The following SATB1 variants were observed in gnomAD, a reference collection of about 807,000 sequenced individuals.
The protein encoded by SATB1 is DNA-binding protein SATB1.
Under a neutral mutation model 86.9 loss-of-function variants are expected in SATB1, and 11 were observed. That is an observed-to-expected ratio of 0.13 (90% confidence interval 0.08 to 0.21). The LOEUF is 0.21. Among genes scored for constraint, SATB1 ranks in the 10% least tolerant of loss-of-function variants. The pLI, the probability that SATB1 is intolerant of heterozygous loss-of-function variation, is 1.00. For missense variants in SATB1, 551 were observed against 937.6 expected (o/e 0.59, Z 5.39); for synonymous variants, 357 against 357.2 (o/e 1.00, Z 0.01).
In SATB1 at chr3:18,349,123, G is replaced by A. The variant is rs1694210532; in HGVS notation, c.*47C>T. On this transcript the variant is annotated 3_prime_UTR_variant, in exon 11 of 11. Transcript: ENST00000338745. This position sits in a 1 kb window ranked among gnomAD's most constrained non-coding sequence, Gnocchi z 5.5. ...GAAGACAAGGTGGACTTTTCATTTT[G>A]TTAGTAAATACCAGTGGCACTGTTG... 2 of 1,569,652 alleles carry A rather than the reference G, an allele frequency of 1.3e-6. No homozygotes were observed. Among genetic ancestry groups the A allele is most frequent in the Admixed American group, 1.8e-5 (1 of 54,546 alleles).
At chr3:18,443,275 C>G (rs1699288044), upstream of SATB1, among the ~76,000 whole-genome samples, 4 of 152,324 alleles carry the variant, frequency 2.6e-5, no homozygotes, top group African/African-American at 7.2e-5. The surrounding 1 kb of genome is among the most constrained non-coding windows in gnomAD (Gnocchi z 4.4). Context: ...AAAGTCAGGT[C>G]CCCTGGCCTC....
At chr3:18,350,597 C>T (rs1694305563) in intron 10 of SATB1, 1 of 152,222 alleles carries the variant, frequency 6.6e-6, no homozygotes, top group African/African-American at 2.4e-5. Flanking sequence ...CTTTTATACC[C>T]CTAAGAAGCA....
chr3:18,402,416 A>C (rs192210119), intron 5 of SATB1, among the ~76,000 whole-genome samples: 74 of 152,240 alleles, frequency 4.9e-4, no homozygotes, highest in Non-Finnish European at 7.2e-4. Flanking sequence ...CTTTTCTGCC[A>C]AATCAACCAA....
At chr3:18,354,117 A>G (rs994951108) in intron 9 of SATB1, among the ~76,000 whole-genome samples, 4 of 152,222 alleles carry the variant, frequency 2.6e-5, no homozygotes, top group Non-Finnish European at 4.4e-5. Context: ...TATATTAACT[A>G]TAAAACTGTT....
chr3:18,391,971 AAT>A (rs1696698849), intron 7 of SATB1, among the ~76,000 whole-genome samples: 1 of 152,168 alleles, frequency 6.6e-6, no homozygotes, highest in African/African-American at 2.4e-5. Flanking sequence ...TTAATATTGA[AAT>A]ATATATACAA....
At chr3:18,438,152 C>T (rs1699128018) in intron 1 of SATB1, among the ~76,000 whole-genome samples, 1 of 152,086 alleles carries the variant, frequency 6.6e-6, no homozygotes, top group Admixed American at 6.5e-5. Flanking sequence ...AAGTCCTTAA[C>T]ATTATAAACA....
In SATB1 at chr3:18,347,970, T is replaced by G. The variant is rs532952199; in HGVS notation, c.*1200A>C. 24 of 152,510 alleles carry G rather than the reference T, an allele frequency of 1.6e-4. No individual in the cohort carries two copies. Among genetic ancestry groups the G allele is most frequent in the Non-Finnish European group, 2.5e-4 (17 of 67,966 alleles). 9.4% of individuals were successfully genotyped at this position (152,510 alleles called of 1,614,324 possible). On this transcript the variant is annotated 3_prime_UTR_variant, in exon 11 of 11. Coordinates refer to ENST00000338745, the MANE Select transcript of SATB1 (RefSeq NM_002971.6). ...GATACAAACAATTTTAATTGTGTAG[T>G]TACAGTCAATAACCACTCCTAGTCA...
intron 5 of SATB1, among the ~76,000 whole-genome samples, chr3:18,400,398 C>G (rs1292371975): frequency 6.6e-6 from 1 of 152,206 alleles, no homozygotes; most frequent in Non-Finnish European, 1.5e-5. Context: ...GTGTCACACA[C>G]TGGTAGTATG....
chr3:18,345,481 A>G lies in SATB1; in HGVS notation c.*3689T>C, dbSNP rs556446477. ...CTACCACAATTTCTTTAATTAGGGT[A>G]CTTTATATTTTATCAAAAATGTGCA... On this transcript the variant is annotated 3_prime_UTR_variant, in exon 11 of 11. Transcript: ENST00000338745. The G allele has an allele frequency of 6.6e-6, 1 of 152,244 alleles. No individual in the cohort carries two copies. The highest frequency in any genetic ancestry group is 6.5e-5 in the Admixed American group (1 of 15,284). 9.4% of individuals were successfully genotyped at this position (152,244 alleles called of 1,614,324 possible).
Position 18,444,672 on chromosome 3 carries a change from C to T in SATB1, c.-25+846G>A, listed in dbSNP as rs1032021710. The stretch of plus-strand genomic sequence containing the variant: ...GGGCCTGAAACCAAGAACGGCTCCC[C>T]GGGCGGGCGCGCCGGCGTCGGACTT... On this transcript the variant is annotated intron_variant, in intron 1 of 3. Coordinates refer to the SATB1 transcript ENST00000415069. This position sits in a 1 kb window ranked among gnomAD's most constrained non-coding sequence, Gnocchi z 5.1. 1 of 984,534 alleles carries T rather than the reference C, an allele frequency of 1.0e-6. No homozygotes were observed. 61.0% of individuals were successfully genotyped at this position (984,534 alleles called of 1,614,324 possible).
chr3:18,357,541 ATT>A (rs10539857), intron 9 of SATB1, among the ~76,000 whole-genome samples: 23,547 of 135,532 alleles, frequency 0.17, 2,143 homozygotes, highest in Middle Eastern at 0.3. Flanking sequence ...ATAGAGGGCA[ATT>A]TTTTTTTTTT....
At chr3:18,425,897 G>C (rs1297748154), upstream of SATB1, among the ~76,000 whole-genome samples, 1 of 151,640 alleles carries the variant, frequency 6.6e-6, no homozygotes, top group African/African-American at 2.4e-5. Context: ...CGAGGGCCAG[G>C]GGAGAAAACT....
At chr3:18,422,888 T>C (rs1443159904) in intron 1 of SATB1, among the ~76,000 whole-genome samples, 2 of 152,346 alleles carry the variant, frequency 1.3e-5, no homozygotes, top group Middle Eastern at 3.4e-3. Flanking sequence ...ATGAAAGTGA[T>C]ACATTATAAT....
intron 2 of SATB1, among the ~76,000 whole-genome samples, chr3:18,435,877 G>C (rs1195644062): frequency 2.0e-5 from 3 of 152,126 alleles, no homozygotes; most frequent in African/African-American, 7.2e-5. Context: ...TGTTTTTAAA[G>C]AGACAGAATG....
chr3:18,387,395 T>C (rs1696398546), intron 7 of SATB1, among the ~76,000 whole-genome samples: 1 of 152,212 alleles, frequency 6.6e-6, no homozygotes, highest in African/African-American at 2.4e-5. Flanking sequence ...TCTGTAATTA[T>C]CAAATTTCTT....
chr3:18,413,387 G>T (rs900808713), intron 5 of SATB1, among the ~76,000 whole-genome samples: 1 of 152,090 alleles, frequency 6.6e-6, no homozygotes, highest in Non-Finnish European at 1.5e-5. Context: ...TTAAGTATTT[G>T]TCTGAATATA....
At chr3:18,415,909 G>T in intron 4 of SATB1, 98 bp downstream of exon 4, 1 of 1,198,922 alleles carries the variant, frequency 8.3e-7, no homozygotes, top group Non-Finnish European at 1.2e-6. Flanking sequence ...CTGAAACACA[G>T]ACTAAAAAAA....
At chr3:18,362,657 A>G (rs950385777) in intron 9 of SATB1, among the ~76,000 whole-genome samples, 1 of 152,060 alleles carries the variant, frequency 6.6e-6, no homozygotes, top group East Asian at 1.9e-4. Flanking sequence ...TTTTCTTTAA[A>G]AAGAAGAATT....
intron 1 of SATB1, chr3:18,438,481 C>A (rs1361391352): frequency 6.6e-6 from 1 of 152,194 alleles, no homozygotes; most frequent in Non-Finnish European, 1.5e-5. Flanking sequence ...AAGCCCTCCC[C>A]CGAACACTCA....
Sources: gnomAD v4.1 joint callset for allele counts (sites outside exome capture counted in the v4.1 genomes callset) on GRCh38, gnomAD v4.1.1 for gene constraint, Gnocchi (gnomAD v3.1) non-coding constraint, MANE v1.5 for transcripts, NCBI Gene and HGNC (gene_info 2026-07-23, HGNC 2026-07-21) for gene names.